The following DUS3L variants were observed in gnomAD, a reference collection of about 807,000 sequenced individuals.
The protein encoded by DUS3L is dihydrouridine synthase 3 like.
DUS3L carries 62 observed loss-of-function variants against 74.6 expected under a neutral mutation model. The ratio of observed to expected loss-of-function variants is 0.83; its 90% confidence interval spans 0.68 to 1.03. The LOEUF (loss-of-function observed/expected upper bound fraction) is 1.03. Ranked by LOEUF, DUS3L falls within the 50% of genes least tolerant of loss-of-function variation. DUS3L has a pLI of 0.00. For missense variants in DUS3L, 884 were observed against 924.4 expected (o/e 0.96, Z 0.57); for synonymous variants, 433 against 395.7 (o/e 1.09, Z -1.12).
Position 5,785,684 on chromosome 19 carries a change from C to T in DUS3L, c.1670G>A (p.Gly557Asp). 6.2e-7 allele frequency: 1 copy of T among 1,612,658 alleles called. No individual in the cohort carries two copies. The highest frequency in any genetic ancestry group is 1.3e-5 in the African/African-American group (1 of 75,066). ...LDILRDFTNY[G>D]LEHWGSDTQG... ...CGTGTCCGAGCCCCAGTGCTCCAGG[C>T]CGTAGTTGGTGAAGTCCCGCAGGAT... Residue 557 changes from glycine (G) to aspartate (D), a missense_variant, in exon 11 of 13, where the codon GGC (glycine) becomes GAC (aspartate). By Grantham distance (94) the Gly-to-Asp change is moderately conservative. Transcript: ENST00000309061.
Position 5,785,239 on chromosome 19 carries a change from G to A in DUS3L, c.1917C>T (p.Ala639=), listed in dbSNP as rs537379019. 2.5e-5 allele frequency: 41 copies of A among 1,610,622 alleles called. No individual in the cohort carries two copies. The African/African-American group carries it at 4.0e-4, about 16-fold the overall frequency. ...MLLGPVPPSF[A]FLPKHKANAY... is the part of the protein sequence containing the mutation. The stretch of plus-strand genomic sequence containing the variant: ...CGTTGGCCTTGTGCTTCGGCAAGAA[G>A]GCGAAGCTGGGGGGCACTGGCCCAA... Residue 639 remains alanine, a synonymous_variant, in exon 13 of 13, where the codon GCC becomes GCT. Transcript: ENST00000309061.
chr19:5,787,004 G>C lies in DUS3L; in HGVS notation c.1389+57C>G. 1.2e-5 allele frequency: 18 copies of C among 1,494,430 alleles called. No individual in the cohort carries two copies. The South Asian group carries it at 2.2e-4, about 18-fold the overall frequency. 92.6% of individuals were successfully genotyped at this position (1,494,430 alleles called of 1,614,324 possible). On this transcript the variant is annotated intron_variant, in intron 8 of 12. Transcript: ENST00000309061. The stretch of plus-strand genomic sequence containing the variant: ...AGGGATGGGAGGAGAGGAGCCATTA[G>C]GAAGGGACGCGGGGTCGACCGCGAG...
rs898645508 is a variant in DUS3L at position 5,787,929 on chromosome 19, G to T, written c.1095+95C>A. 1.7e-5 allele frequency: 26 copies of T among 1,547,194 alleles called. No homozygotes were observed. The Admixed American group carries it at 4.7e-4, about 28-fold the overall frequency. On this transcript the variant is annotated intron_variant, in intron 5 of 12. Coordinates refer to ENST00000309061, the MANE Select transcript of DUS3L (RefSeq NM_020175.3). ...CCCCACTCCACAGCTGAGGCCAGGG[G>T]GTCAGGGAGGCAACCAGGGCAGACC... is the stretch of plus-strand genomic sequence containing the variant.
rs769023788 is a variant in DUS3L at position 5,785,702 on chromosome 19, C to T, written c.1652G>A (p.Arg551Gln). The change falls in exon 11 of 13, where the codon CGG becomes CAG. Residue 551 changes from arginine (R) to glutamine (Q), a missense_variant. Transcript: ENST00000309061. ...CTCCAGGCCGTAGTTGGTGAAGTCC[C>T]GCAGGATGTCCAGGCGCTCGGACGA... ...ISSSERLDIL[R>Q]DFTNYGLEHW... 17 of 1,612,478 alleles carry T rather than the reference C, an allele frequency of 1.1e-5. No individual in the cohort carries two copies. Among genetic ancestry groups the T allele is most frequent in the East Asian group, 4.5e-5 (2 of 44,870 alleles).
At position 5,790,067 on chromosome 19, in the gene DUS3L, G is replaced by A; in HGVS notation, c.367C>T (p.Leu123=). The A allele has an allele frequency of 6.2e-7, 1 of 1,614,154 alleles. No individual in the cohort carries two copies. The highest frequency in any genetic ancestry group is 8.5e-7 in the Non-Finnish European group (1 of 1,180,020). The change falls in exon 2 of 13, where the codon CTG becomes TTG. Residue 123 remains leucine, a synonymous_variant. Transcript: ENST00000309061. Reference sequence around the variant, plus strand: ...CTTGCCTGGATTAGGGAGGGACACAGCCTGTTCTTGTCGTAGTTCGTGGGC... The same window carrying A: ...CTTGCCTGGATTAGGGAGGGACACAACCTGTTCTTGTCGTAGTTCGTGGGC... ...VKPTNYDKNR[L]CPSLIQESAA... is the part of the protein sequence containing the mutation.
At position 5,790,139 on chromosome 19, in the gene DUS3L, T is replaced by A. The variant is rs1217650366; in HGVS notation, c.295A>T (p.Thr99Ser). The A allele has an allele frequency of 6.2e-7, 1 of 1,614,088 alleles. No homozygotes were observed. Among genetic ancestry groups the A allele is most frequent in the East Asian group, 2.2e-5 (1 of 44,880 alleles). The change falls in exon 2 of 13, where the codon ACT (threonine) becomes TCT (serine). Residue 99 changes from threonine (T) to serine (S), a missense_variant. By Grantham distance (58) the Thr-to-Ser change is moderately conservative. Transcript: ENST00000309061. ...EAAEPGEQLQ[T>S]QKRARGQNKG... is the part of the protein sequence containing the mutation. ...TTTTGTCCCCGGGCCCTCTTCTGAG[T>A]CTGTAGCTGCTCCCCGGGCTCTGCT...
At chr19:5,787,223 C>CGGCGGGAGAT (rs373551653) in intron 7 of DUS3L, 52 bp from the exon 8 acceptor site, 1 of 248,756 alleles carries the variant, frequency 4.0e-6, no homozygotes, top group Non-Finnish European at 6.0e-6. Flanking sequence ...TGGTGGGAGA[C>CGGCGGGAGAT]GGTGGGAGGT....
chr19:5,789,238 A>T lies in DUS3L; in HGVS notation c.869T>A (p.Val290Glu). The change falls in exon 3 of 13, where the codon GTG (valine) becomes GAG (glutamate). Residue 290 changes from valine (V) to glutamate (E), a missense_variant. By Grantham distance (121) the Val-to-Glu change is moderately radical. Transcript: ENST00000309061. ...RTCGPLTDED[V>E]VRLRPCEKKR... is the part of the protein sequence containing the mutation. ...CTTCTCACAGGGCCGCAGCCTGACC[A>T]CGTCCTCATCCGTCAGGGGCCCGCA... 1 of 1,563,414 alleles carries T rather than the reference A, an allele frequency of 6.4e-7. No individual in the cohort carries two copies. Among genetic ancestry groups the T allele is most frequent in the Non-Finnish European group, 8.6e-7 (1 of 1,158,156 alleles).
At chr19:5,790,848 C>T (rs1292567297) in intron 1 of DUS3L, 196 bp downstream of exon 1, 2 of 615,708 alleles carry the variant, frequency 3.2e-6, no homozygotes, top group Non-Finnish European at 5.8e-6. Context: ...GTGTCCTTCG[C>T]GCATGTGACA....
chr19:5,789,753 A>G, intron 2 of DUS3L, 34 bp from the exon 3 acceptor site: 1 of 1,572,640 alleles, frequency 6.4e-7, no homozygotes, highest in Non-Finnish European at 8.6e-7. Context: ...GAGGGAGGAC[A>G]GGGAGACCCC....
Position 5,788,075 on chromosome 19 carries a change from G to A in DUS3L, c.1044C>T (p.Ser348=), listed in dbSNP as rs772335714. Residue 348 remains serine (S), a synonymous_variant, in exon 5 of 13, where the codon TCC becomes TCT. Coordinates refer to ENST00000309061, the MANE Select transcript of DUS3L (RefSeq NM_020175.3). ...GGTGGCGTTTGAGTAGGGCCCACTC[G>A]GACATCTGGCCCTGCAGCAGGTTGG... is the stretch of plus-strand genomic sequence containing the variant. ...VCTNLLQGQM[S]EWALLKRHQC... 1.1e-5 allele frequency: 17 copies of A among 1,613,620 alleles called. No individual in the cohort carries two copies. Among genetic ancestry groups the A allele is most frequent in the Middle Eastern group, 1.6e-4 (1 of 6,084 alleles).
At position 5,787,725 on chromosome 19, in the gene DUS3L, GA is replaced by G; in HGVS notation, c.1096-21del. 1.2e-6 allele frequency: 2 copies of G among 1,609,702 alleles called. No homozygotes were observed. Among genetic ancestry groups the G allele is most frequent in the South Asian group, 2.2e-5 (2 of 91,020 alleles). On this transcript the variant is annotated intron_variant, in intron 5 of 12. Coordinates refer to ENST00000309061, the MANE Select transcript of DUS3L (RefSeq NM_020175.3). ...CTCCAGCTGTAGGTGGGTAGTGGCA[GA>G]ACAGGAGGGTGAGGGGAGAGTCCGA...
At position 5,788,406 on chromosome 19, in the gene DUS3L, G is replaced by GA; in HGVS notation, c.901-9dup. On this transcript the variant is annotated splice_polypyrimidine_tract_variant and intron_variant, in intron 3 of 12. Transcript: ENST00000309061. ...TTTGCCACGGATGTCCAGCTGGAGG[G>GA]AAAAAAATACACACAAGTGGAGCTT... is the stretch of plus-strand genomic sequence containing the variant. The GA allele has an allele frequency of 3.7e-6, 6 of 1,612,354 alleles. No individual in the cohort carries two copies. The highest frequency in any genetic ancestry group is 5.1e-6 in the Non-Finnish European group (6 of 1,179,520).
chr19:5,788,290 C>T, intron 4 of DUS3L, 67 bp downstream of exon 4: 1 of 1,612,020 alleles, frequency 6.2e-7, no homozygotes. Context: ...GGGACAGACA[C>T]TAAGCCCTGT....
chr19:5,787,494 G>A (rs2056865336), intron 6 of DUS3L, 95 bp downstream of exon 6: 4 of 1,530,492 alleles, frequency 2.6e-6, no homozygotes, highest in Admixed American at 1.7e-5. Context: ...CCACACTTGA[G>A]CCCAAACCCC....
In DUS3L at chr19:5,785,508, G is replaced by A. The variant is rs373074819; in HGVS notation, c.1755C>T (p.Tyr585=). 5.1e-5 allele frequency: 79 copies of A among 1,558,394 alleles called. No homozygotes were observed. The highest frequency in any genetic ancestry group is 1.7e-4 in the Admixed American group (9 of 53,354). Residue 585 remains tyrosine (Y), a synonymous_variant, in exon 12 of 13, where the codon TAC becomes TAT. Transcript: ENST00000309061. ...GCCGCTCCAGCAGCCCCACGGGCACGTACCTGCGGCGGGTGGGCGGGCAGG... is the reference window on the plus strand; with the variant it reads ...GCCGCTCCAGCAGCCCCACGGGCACATACCTGCGGCGGGTGGGCGGGCAGG... ...LLEWLSFLCR[Y]VPVGLLERLP...
rs575222134 is a variant in DUS3L at position 5,791,033 on chromosome 19, C to A, written c.98+11G>T. On this transcript the variant is annotated intron_variant, in intron 1 of 12. Transcript: ENST00000309061. Reference sequence around the variant, plus strand: ...AGGCCCTTCAGCTTCCCTCCTGCCCCGGCGACTCACTGACGCTTAATGGGC... The same window carrying A: ...AGGCCCTTCAGCTTCCCTCCTGCCCAGGCGACTCACTGACGCTTAATGGGC... 2.5e-6 allele frequency: 4 copies of A among 1,589,178 alleles called. No individual in the cohort carries two copies. The Admixed American group carries it at 5.4e-5, about 21-fold the overall frequency.
chr19:5,785,800 C>T lies in DUS3L; in HGVS notation c.1563-9G>A, dbSNP rs117934788. Reference sequence around the variant, plus strand: ...GCTTGAGCAGGGCGCCACTGTGGGACGGGTGACGATCAGTGGGCCCAGCCA... The same window carrying T: ...GCTTGAGCAGGGCGCCACTGTGGGATGGGTGACGATCAGTGGGCCCAGCCA... On this transcript the variant is annotated splice_polypyrimidine_tract_variant and intron_variant, in intron 10 of 12. Transcript: ENST00000309061. 1,250 of 1,575,968 alleles carry T rather than the reference C, an allele frequency of 7.9e-4. 15 individuals are homozygous for T. In the East Asian group the frequency reaches 0.025, roughly 31 times the overall value.
Position 5,785,144 on chromosome 19 carries a change from A to G in DUS3L, c.*59T>C. 6.5e-7 allele frequency: 1 copy of G among 1,540,086 alleles called. No homozygotes were observed. The highest frequency in any genetic ancestry group is 8.8e-7 in the Non-Finnish European group (1 of 1,138,292). On this transcript the variant is annotated 3_prime_UTR_variant, in exon 13 of 13. Coordinates refer to ENST00000309061, the MANE Select transcript of DUS3L (RefSeq NM_020175.3). ...AGGGTCACAGAAAGGCCTGGATTTTAAAAGAATAAAATTTATTGTACTCTC... is the reference window on the plus strand; with the variant it reads ...AGGGTCACAGAAAGGCCTGGATTTTGAAAGAATAAAATTTATTGTACTCTC...
Sources: gnomAD v4.1 joint callset for allele counts on GRCh38, gnomAD v4.1.1 for gene constraint, MANE v1.5 for transcripts, NCBI Gene and HGNC (gene_info 2026-07-23, HGNC 2026-07-21) for gene names.